The following LAMC1 variants were observed in gnomAD, a reference collection of about 807,000 sequenced individuals.
LAMC1 encodes laminin subunit gamma-1.
Under a neutral mutation model 173.6 loss-of-function variants are expected in LAMC1, and 38 were observed. The observed-to-expected ratio is 0.22, with a 90% confidence interval of 0.17 to 0.29. The LOEUF is 0.29. Among genes scored for constraint, LAMC1 ranks in the 10% least tolerant of loss-of-function variants. LAMC1 has a pLI of 1.00. For missense variants in LAMC1, 1,824 were observed against 2,051.8 expected (o/e 0.89, Z 2.14); for synonymous variants, 746 against 749.1 (o/e 1.00, Z 0.07).
chr1:183,109,057 G>A (rs563672478), intron 3 of LAMC1, among the ~76,000 whole-genome samples: 4 of 152,316 alleles, frequency 2.6e-5, no homozygotes, highest in African/African-American at 9.6e-5. Context: ...TCTTAAATTT[G>A]TAGAGTTGTA....
chr1:183,142,970 C>T lies in LAMC1; in HGVS notation c.*180C>T, dbSNP rs1657156693. The stretch of plus-strand genomic sequence containing the variant: ...GAGAAGCAAATTAAACATCCTGAAT[C>T]GGGAACAAAGGGTTTTATCTAATAA... On this transcript the variant is annotated 3_prime_UTR_variant, in exon 28 of 28. Coordinates refer to ENST00000258341, the MANE Select transcript of LAMC1 (RefSeq NM_002293.4). The T allele has an allele frequency of 9.7e-6, 6 of 620,924 alleles. No homozygotes were observed. The highest frequency in any genetic ancestry group is 3.2e-5 in the Admixed American group (1 of 30,792). 38.5% of individuals were successfully genotyped at this position (620,924 alleles called of 1,614,324 possible). A position where few individuals can be genotyped will look rare whatever the true frequency, so the allele number is the denominator to read the frequency against.
chr1:183,090,187 G>A (rs960866819), intron 1 of LAMC1, among the ~76,000 whole-genome samples: 8 of 151,776 alleles, frequency 5.3e-5, no homozygotes, highest in Non-Finnish European at 1.0e-4. Context: ...ACAAATAAAA[G>A]CCAATTAAGA....
chr1:183,132,892 T>C (rs529254125), intron 21 of LAMC1, among the ~76,000 whole-genome samples: 13 of 152,154 alleles, frequency 8.5e-5, no homozygotes, highest in Non-Finnish European at 1.6e-4. Flanking sequence ...AAGCCATACA[T>C]TATAGAAAAT....
chr1:183,090,261 A>G (rs1388489003), intron 1 of LAMC1, among the ~76,000 whole-genome samples: 1 of 152,186 alleles, frequency 6.6e-6, no homozygotes, highest in African/African-American at 2.4e-5. Flanking sequence ...AGATGCATCT[A>G]GGATTGCAAG....
At chr1:183,078,140 C>T (rs1399782134) in intron 1 of LAMC1, among the ~76,000 whole-genome samples, 1 of 152,070 alleles carries the variant, frequency 6.6e-6, no homozygotes, top group African/African-American at 2.4e-5. Flanking sequence ...TTGTTTTCTG[C>T]ATCTGGAGAT....
intron 1 of LAMC1, among the ~76,000 whole-genome samples, chr1:183,071,086 G>GTTTTTTTTTTTT (rs1423165417): frequency 6.8e-6 from 1 of 146,066 alleles, no homozygotes; most frequent in African/African-American, 2.6e-5. Flanking sequence ...GGTTTTTTTT[G>GTTTTTTTTTTTT]TTTTTGTTTT....
intron 16 of LAMC1, 113 bp downstream of exon 16, chr1:183,126,375 C>A: frequency 9.3e-7 from 1 of 1,071,070 alleles, no homozygotes; most frequent in Non-Finnish European, 1.4e-6. Flanking sequence ...ATAGTCAGGG[C>A]TGTACCTAAG....
chr1:183,108,294 G>T lies in LAMC1; in HGVS notation c.742G>T (p.Asp248Tyr). 1 of 1,613,412 alleles carries T rather than the reference G, an allele frequency of 6.2e-7. No homozygotes were observed. Among genetic ancestry groups the T allele is most frequent in the South Asian group, 1.1e-5 (1 of 90,998 alleles). The change falls in exon 3 of 28, where the codon GAC (aspartate) becomes TAC (tyrosine). Residue 248 changes from aspartate (D) to tyrosine (Y), a missense_variant. By Grantham distance (160) the Asp-to-Tyr change is radical (BLOSUM62 -3). Transcript: ENST00000258341. Reference sequence around the variant, plus strand: ...CTGACAGGAATGGGTAACTGCCACTGACATCAGAGTAACTCTTAATCGCCT... The same window carrying T: ...CTGACAGGAATGGGTAACTGCCACTTACATCAGAGTAACTCTTAATCGCCT... ...PVLQEWVTAT[D>Y]IRVTLNRLNT...
intron 11 of LAMC1, among the ~76,000 whole-genome samples, chr1:183,119,895 G>C (rs1656422462): frequency 6.6e-6 from 1 of 152,096 alleles, no homozygotes; most frequent in Non-Finnish European, 1.5e-5. Context: ...AACTGTCCAG[G>C]CGTGGTAACT....
intron 26 of LAMC1, among the ~76,000 whole-genome samples, chr1:183,140,197 A>G (rs1265294240): frequency 6.7e-6 from 1 of 148,714 alleles, no homozygotes; most frequent in Non-Finnish European, 1.5e-5. Context: ...AACTTTGATG[A>G]AGTAGAAATA....
At position 183,133,517 on chromosome 1, in the gene LAMC1, T is replaced by A; in HGVS notation, c.3816T>A (p.Ala1272=). 6.2e-7 allele frequency: 1 copy of A among 1,613,608 alleles called. No homozygotes were observed. Among genetic ancestry groups the A allele is most frequent in the Non-Finnish European group, 8.5e-7 (1 of 1,179,768 alleles). Residue 1272 remains alanine (A), a synonymous_variant, in exon 22 of 28, where the codon GCT becomes GCA. Transcript: ENST00000258341. ...DKAVEIYASV[A]QLSPLDSETL... is the part of the protein sequence containing the mutation. ...CTGTGGAGATCTATGCCAGCGTGGC[T>A]CAGCTGAGCCCTTTGGACTCTGAGA...
At chr1:183,103,896 A>C (rs762900449) in intron 2 of LAMC1, among the ~76,000 whole-genome samples, 1 of 152,178 alleles carries the variant, frequency 6.6e-6, no homozygotes, top group African/African-American at 2.4e-5. Context: ...CACATTTTTT[A>C]AAAAGTCAAA....
At chr1:183,117,756 A>G (rs1350888055) in intron 10 of LAMC1, 33 bp downstream of exon 10, 1 of 1,569,150 alleles carries the variant, frequency 6.4e-7, no homozygotes, top group Admixed American at 1.7e-5. Flanking sequence ...GTGAGACTTG[A>G]CGAACATTGT....
chr1:183,114,624 A>G lies in LAMC1; in HGVS notation c.1115A>G (p.Asp372Gly). ...GGGGGCCACTGTACCAACTGCCAGGATAACACAGATGGCGCCCACTGTGAG... is the reference window on the plus strand; with the variant it reads ...GGGGGCCACTGTACCAACTGCCAGGGTAACACAGATGGCGCCCACTGTGAG... ...GHGGHCTNCQDNTDGAHCERC... is the reference protein window; with the variant it reads ...GHGGHCTNCQGNTDGAHCERC... Residue 372 changes from aspartate to glycine, a missense_variant, in exon 5 of 28, where the codon GAT becomes GGT. Transcript: ENST00000258341. 1.2e-6 allele frequency: 2 copies of G among 1,614,230 alleles called. No individual in the cohort carries two copies. The highest frequency in any genetic ancestry group is 1.7e-6 in the Non-Finnish European group (2 of 1,180,042).
chr1:183,033,753 G>A (rs575214543), intron 1 of LAMC1, among the ~76,000 whole-genome samples: 17 of 151,686 alleles, frequency 1.1e-4, no homozygotes, highest in Non-Finnish European at 1.9e-4. Flanking sequence ...GTGCAGTGGC[G>A]TGATCTTGGC....
In LAMC1 at chr1:183,131,428, G is replaced by GGTGTGTGT. The variant is rs55951405; in HGVS notation, c.3566+75_3566+82dup. Reference sequence around the variant, plus strand: ...GGTTAAGTTGTGGCTTCTGTTATGGGGTGTGTGTGTGTGTGTGTGTGTGTG... The same window carrying GGTGTGTGT: ...GGTTAAGTTGTGGCTTCTGTTATGGGGTGTGTGTGTGTGTGTGTGTGTGTGTGTGTGTG... On this transcript the variant is annotated intron_variant, in intron 20 of 27. Transcript: ENST00000258341. 711 of 951,880 alleles carry GGTGTGTGT rather than the reference G, an allele frequency of 7.5e-4. 3 individuals carry two copies. The African/African-American group carries it at 9.6e-3, about 13-fold the overall frequency. The allele number at this position is 951,880 out of a possible 1,614,324, so 59.0% of individuals were successfully genotyped here.
chr1:183,097,758 C>T (rs996009718), intron 1 of LAMC1, among the ~76,000 whole-genome samples: 1 of 152,208 alleles, frequency 6.6e-6, no homozygotes, highest in African/African-American at 2.4e-5. Flanking sequence ...CCTCTCATTC[C>T]CTCAACCAGC....
At chr1:183,051,722 A>G (rs1288108879) in intron 1 of LAMC1, among the ~76,000 whole-genome samples, 1 of 152,174 alleles carries the variant, frequency 6.6e-6, no homozygotes, top group Non-Finnish European at 1.5e-5. Flanking sequence ...AGGAAGTTAC[A>G]CTTTTCTTTG....
At chr1:183,083,723 A>G (rs1051390487) in intron 1 of LAMC1, among the ~76,000 whole-genome samples, 2 of 152,258 alleles carry the variant, frequency 1.3e-5, no homozygotes, top group Non-Finnish European at 2.9e-5. Context: ...TTTAAATCAC[A>G]TATATACAGA....
Sources: gnomAD v4.1 joint callset for allele counts (sites outside exome capture counted in the v4.1 genomes callset) on GRCh38, gnomAD v4.1.1 for gene constraint, MANE v1.5 for transcripts, NCBI Gene and HGNC (gene_info 2026-07-23, HGNC 2026-07-21) for gene names.